ANKFN1: variants seen among roughly 807,000 people sequenced by gnomAD.
ANKFN1 encodes the protein ankyrin repeat and fibronectin type-III domain-containing protein 1.
In ANKFN1, 74 loss-of-function variants were observed where a neutral mutation model predicts 108.7. The observed-to-expected ratio is 0.68, with a 90% CI of 0.56 to 0.83. The LOEUF is 0.83. Ranked by LOEUF, ANKFN1 falls within the 40% of genes least tolerant of loss-of-function variation. The probability of loss-of-function intolerance (pLI) is 0.00; values close to 1 mark genes in which losing one functional copy is unlikely to be tolerated. For missense variants in ANKFN1, 1,505 were observed against 1,382.3 expected, an observed-to-expected ratio of 1.09 and a Z score of -1.41; for synonymous variants, 547 against 516.2, an observed-to-expected ratio of 1.06 and a Z score of -0.81.
intron 8 of ANKFN1, among the ~76,000 whole-genome samples, chr17:56,439,673 GA>G (rs2049036445): frequency 6.6e-6 from 1 of 152,134 alleles, no homozygotes; most frequent in African/African-American, 2.4e-5. Flanking sequence ...ATTAGGGGAA[GA>G]GAATGTTTTC....
intron 6 of ANKFN1, among the ~76,000 whole-genome samples, chr17:56,360,307 C>T (rs1448228356): frequency 6.6e-6 from 1 of 152,168 alleles, no homozygotes; most frequent in Non-Finnish European, 1.5e-5. Context: ...TTGGAATGCT[C>T]GAGTGCTTTT....
At chr17:56,458,054 C>A in intron 14 of ANKFN1, 75 bp downstream of exon 14, 2 of 1,253,496 alleles carry the variant, frequency 1.6e-6, no homozygotes, top group East Asian at 2.5e-5. Flanking sequence ...CCAGTCCTAC[C>A]TAGAAAGGAA....
At chr17:56,157,305 G>A (rs1240898103) in intron 1 of ANKFN1, among the ~76,000 whole-genome samples, 1 of 152,190 alleles carries the variant, frequency 6.6e-6, no homozygotes, top group African/African-American at 2.4e-5. Flanking sequence ...GGAATGTAGA[G>A]GGCTCAGGAA....
At chr17:56,213,245 C>T (rs531303948) in intron 2 of ANKFN1, among the ~76,000 whole-genome samples, 9 of 152,264 alleles carry the variant, frequency 5.9e-5, no homozygotes, top group African/African-American at 1.9e-4. Flanking sequence ...GTGACTCAAC[C>T]ATCCCGTCAC....
intron 3 of ANKFN1, among the ~76,000 whole-genome samples, chr17:56,286,960 T>G (rs76572561): frequency 0.053 from 8,041 of 152,166 alleles, 342 homozygotes; most frequent in African/African-American, 0.11. Flanking sequence ...GTTACCCTCT[T>G]CTATCAAAAT....
At chr17:56,193,302 A>G (rs1033147422) in intron 1 of ANKFN1, among the ~76,000 whole-genome samples, 7 of 142,840 alleles carry the variant, frequency 4.9e-5, no homozygotes, top group African/African-American at 1.8e-4. Flanking sequence ...ACCTAATGCT[A>G]GATGACGAGT....
At chr17:56,486,628 CATT>C (rs964669332) in intron 18 of ANKFN1, among the ~76,000 whole-genome samples, 1 of 152,094 alleles carries the variant, frequency 6.6e-6, no homozygotes, top group Non-Finnish European at 1.5e-5. Context: ...GGATGCTAAG[CATT>C]ATTTTTTTCT....
intron 4 of ANKFN1, among the ~76,000 whole-genome samples, chr17:56,340,421 GTTT>G (rs200000455): frequency 6.6e-6 from 1 of 151,644 alleles, no homozygotes; most frequent in Non-Finnish European, 1.5e-5. Flanking sequence ...GTCTTCCAGG[GTTT>G]TTTTTATAGT....
At chr17:56,157,189 G>C (rs1467385893) in intron 1 of ANKFN1, among the ~76,000 whole-genome samples, 1 of 152,146 alleles carries the variant, frequency 6.6e-6, no homozygotes, top group African/African-American at 2.4e-5. Flanking sequence ...CAAAGGGAGA[G>C]GATGGGGACT....
chr17:56,297,722 A>G (rs1445429575), intron 3 of ANKFN1, among the ~76,000 whole-genome samples: 2 of 152,166 alleles, frequency 1.3e-5, no homozygotes, highest in Non-Finnish European at 2.9e-5. Flanking sequence ...CAAAATAACC[A>G]TAAGAAGTCT....
chr17:56,071,560 C>A (rs529397796), intron 4 of ANKFN1, among the ~76,000 whole-genome samples: 3 of 152,196 alleles, frequency 2.0e-5, no homozygotes, highest in Non-Finnish European at 4.4e-5. Context: ...TAAGAATCAA[C>A]CTAATGCCAA....
chr17:56,515,080 A>G lies in ANKFN1; in HGVS notation c.*3811A>G, dbSNP rs1567723296. On this transcript the variant is annotated 3_prime_UTR_variant, in exon 21 of 21. Transcript: ENST00000682825. ...GAGAACTCACTTAACAGCTTAAGTG[A>G]GTTCTCCAAGAGAAGGTATGTCTGC... 1.3e-5 allele frequency among the ~76,000 whole-genome samples: 2 copies of G among 151,814 alleles called. No individual in the cohort carries two copies. Among genetic ancestry groups the G allele is most frequent in the Admixed American group, 6.6e-5 (1 of 15,234 alleles).
At chr17:56,467,256 A>G (rs1419100907) in intron 15 of ANKFN1, among the ~76,000 whole-genome samples, 1 of 152,108 alleles carries the variant, frequency 6.6e-6, no homozygotes, top group Non-Finnish European at 1.5e-5. Flanking sequence ...ATATGTGTGC[A>G]TGTGTGTGTA....
intron 4 of ANKFN1, among the ~76,000 whole-genome samples, chr17:56,340,656 G>A (rs982709716): frequency 6.6e-6 from 1 of 151,860 alleles, no homozygotes; most frequent in Non-Finnish European, 1.5e-5. Flanking sequence ...TTTTCCATTG[G>A]TCTATGTCTC....
At chr17:56,429,083 T>C (rs1338830939) in intron 8 of ANKFN1, among the ~76,000 whole-genome samples, 1 of 152,200 alleles carries the variant, frequency 6.6e-6, no homozygotes, top group Non-Finnish European at 1.5e-5. Flanking sequence ...GCAGATCCTC[T>C]TGTATACAGT....
chr17:56,330,287 C>T (rs1381213231), intron 4 of ANKFN1, among the ~76,000 whole-genome samples: 1 of 98,122 alleles, frequency 1.0e-5, no homozygotes, highest in Non-Finnish European at 2.7e-5. Context: ...TACATGGCGG[C>T]AGGCAAGAGC....
chr17:56,486,393 A>G (rs2050858676), intron 18 of ANKFN1, among the ~76,000 whole-genome samples: 1 of 152,206 alleles, frequency 6.6e-6, no homozygotes, highest in African/African-American at 2.4e-5. Context: ...TACAATGATT[A>G]TTGTACTTGA....
Position 56,281,315 on chromosome 17 carries a change from A to AT in ANKFN1, c.54-44905dup, listed in dbSNP as rs532254513. Among the ~76,000 whole-genome samples, 4 of 152,330 alleles carry AT rather than the reference A, an allele frequency of 2.6e-5. 1 individual carries two copies. The highest frequency in any genetic ancestry group is 9.6e-5 in the African/African-American group (4 of 41,578). On this transcript the variant is annotated intron_variant, in intron 3 of 20. Coordinates refer to ENST00000682825, the MANE Select transcript of ANKFN1 (RefSeq NM_001370326.1). ...AAAATCATTCAATCAGGAAAAGAAA[A>AT]TGTTTTCAATAAATGGTTCTAGAAC...
At chr17:56,348,623 T>A (rs144363680) in intron 4 of ANKFN1, among the ~76,000 whole-genome samples, 1 of 152,004 alleles carries the variant, frequency 6.6e-6, no homozygotes, top group Admixed American at 6.6e-5. Flanking sequence ...TCAAAAGATA[T>A]ACATGTGGCC....
Sources: gnomAD v4.1 joint callset for allele counts (sites outside exome capture counted in the v4.1 genomes callset) on GRCh38, gnomAD v4.1.1 for gene constraint, MANE v1.5 for transcripts, NCBI Gene and HGNC (gene_info 2026-07-23, HGNC 2026-07-21) for gene names.